Variants in ZCCHC7 observed in about 807,000 individuals in gnomAD.
ZCCHC7 encodes zinc finger CCHC-type containing 7, also known as zinc finger CCHC domain-containing protein 7.
ZCCHC7 carries 35 observed loss-of-function variants against 52.0 expected under a neutral mutation model. That is an observed-to-expected ratio of 0.67 (90% CI 0.51 to 0.89). The LOEUF (loss-of-function observed/expected upper bound fraction) is 0.89, where lower values mean the gene tolerates loss of function less well. ZCCHC7 is among the 40% of genes least tolerant of loss of function. ZCCHC7 has a pLI of 0.00. For missense variants in ZCCHC7, 574 were observed against 649.1 expected, an observed-to-expected ratio of 0.88 and a Z score of 1.26; for synonymous variants, 217 against 221.5, an observed-to-expected ratio of 0.98 and a Z score of 0.18.
At chr9:37,338,344 A>C in intron 6 of ZCCHC7, among the ~76,000 whole-genome samples, 1 of 152,178 alleles carries the variant, frequency 6.6e-6, no homozygotes, top group East Asian at 1.9e-4. Flanking sequence ...AGTTATACCA[A>C]TAATTTATAT....
intron 2 of ZCCHC7, among the ~76,000 whole-genome samples, chr9:37,174,996 G>T (rs1383345289): frequency 6.6e-6 from 1 of 152,006 alleles, no homozygotes; most frequent in East Asian, 1.9e-4. Context: ...AATTAGCCGG[G>T]CATGGTGGTA....
intron 2 of ZCCHC7, among the ~76,000 whole-genome samples, chr9:37,207,868 AT>A (rs1002858863): frequency 6.6e-6 from 1 of 151,568 alleles, no homozygotes; most frequent in East Asian, 1.9e-4. Context: ...CATTGCCAGC[AT>A]TTTTTTTCAA....
intron 2 of ZCCHC7, among the ~76,000 whole-genome samples, chr9:37,218,774 A>G (rs539090503): frequency 1.3e-5 from 2 of 152,048 alleles, no homozygotes; most frequent in African/African-American, 4.8e-5. Context: ...GCGCCACTGC[A>G]CTCCAGCCTG....
intron 2 of ZCCHC7, among the ~76,000 whole-genome samples, chr9:37,203,269 G>T (rs1048839206): frequency 2.5e-4 from 38 of 152,184 alleles, no homozygotes; most frequent in African/African-American, 8.7e-4. Flanking sequence ...ATCCAGGTAC[G>T]CAACAGTTTC....
intron 6 of ZCCHC7, among the ~76,000 whole-genome samples, chr9:37,334,883 C>T (rs561096452): frequency 5.3e-5 from 8 of 151,948 alleles, no homozygotes; most frequent in Non-Finnish European, 5.9e-5. Flanking sequence ...ACATAGATAC[C>T]GCACATTTCA....
At chr9:37,347,778 G>A (rs1446929247) in intron 6 of ZCCHC7, among the ~76,000 whole-genome samples, 2 of 152,140 alleles carry the variant, frequency 1.3e-5, no homozygotes, top group Non-Finnish European at 2.9e-5. Context: ...GAATATCTCA[G>A]AATTTTCACA....
intron 2 of ZCCHC7, among the ~76,000 whole-genome samples, chr9:37,223,077 A>G (rs901712480): frequency 6.6e-6 from 1 of 152,306 alleles, no homozygotes; most frequent in East Asian, 1.9e-4. Context: ...CAATTGGGCC[A>G]TAGTTACCAA....
chr9:37,348,609 A>G (rs916411939), intron 6 of ZCCHC7, among the ~76,000 whole-genome samples: 10 of 151,918 alleles, frequency 6.6e-5, no homozygotes, highest in African/African-American at 2.2e-4. Context: ...TGAACTCCTG[A>G]CCTCGTGATC....
chr9:37,154,956 T>C (rs781671531), intron 2 of ZCCHC7, among the ~76,000 whole-genome samples: 2 of 152,216 alleles, frequency 1.3e-5, no homozygotes, highest in Non-Finnish European at 2.9e-5. Context: ...GCAATATGTT[T>C]GGATTTTGGA....
chr9:37,128,418 T>C (rs1842630324), intron 2 of ZCCHC7, among the ~76,000 whole-genome samples: 1 of 152,176 alleles, frequency 6.6e-6, no homozygotes, highest in Non-Finnish European at 1.5e-5. Flanking sequence ...GTTTAAGTGC[T>C]GTGGGGAATA....
intron 2 of ZCCHC7, among the ~76,000 whole-genome samples, chr9:37,266,227 G>A (rs913396405): frequency 6.6e-6 from 1 of 152,102 alleles, no homozygotes; most frequent in African/African-American, 2.4e-5. Flanking sequence ...GTAAAGTTTA[G>A]TTACCATATT....
intron 2 of ZCCHC7, among the ~76,000 whole-genome samples, chr9:37,211,657 T>A (rs966689225): frequency 5.3e-4 from 81 of 152,250 alleles, no homozygotes; most frequent in African/African-American, 1.9e-3. Flanking sequence ...CACTGTAGAA[T>A]ATTAATATGG....
chr9:37,213,031 G>A (rs903395876), intron 2 of ZCCHC7, among the ~76,000 whole-genome samples: 4 of 152,188 alleles, frequency 2.6e-5, no homozygotes, highest in African/African-American at 9.6e-5. Context: ...TGAACTCTTC[G>A]CTTAGATATT....
At chr9:37,334,794 T>A (rs1449243799) in intron 6 of ZCCHC7, among the ~76,000 whole-genome samples, 6 of 152,060 alleles carry the variant, frequency 3.9e-5, no homozygotes, top group Non-Finnish European at 8.8e-5. Context: ...ATATATTACC[T>A]CTTTAGAAAG....
At chr9:37,126,282 A>G (rs1473464621) in intron 1 of ZCCHC7, 30 bp from the exon 2 acceptor site, 14 of 1,557,148 alleles carry the variant, frequency 9.0e-6, no homozygotes, top group South Asian at 5.0e-5. Context: ...CTTTTAAAGT[A>G]TATTCTGTGT....
intron 2 of ZCCHC7, among the ~76,000 whole-genome samples, chr9:37,174,584 G>C (rs919494759): frequency 2.6e-5 from 4 of 152,062 alleles, no homozygotes; most frequent in African/African-American, 9.7e-5. Context: ...TGTTCATAAT[G>C]GATAATTTGA....
chr9:37,225,985 A>G (rs1043535746), intron 2 of ZCCHC7, among the ~76,000 whole-genome samples: 3 of 152,244 alleles, frequency 2.0e-5, no homozygotes, highest in African/African-American at 7.2e-5. Context: ...AGGCAGACGA[A>G]ATGGAAAGAA....
intron 6 of ZCCHC7, among the ~76,000 whole-genome samples, chr9:37,337,397 A>ACCCCCCCCC (rs1264594478): frequency 1.2e-4 from 2 of 17,250 alleles, no homozygotes; most frequent in African/African-American, 2.6e-4. Flanking sequence ...CACCCTACCC[A>ACCCCCCCCC]CCCACCCCCC....
chr9:37,289,585 T>C (rs1034272416), intron 2 of ZCCHC7, among the ~76,000 whole-genome samples: 1 of 152,242 alleles, frequency 6.6e-6, no homozygotes, highest in South Asian at 2.1e-4. Flanking sequence ...ACTGAATTAT[T>C]GCAGTAACAT....
Sources: gnomAD v4.1 joint callset for allele counts (sites outside exome capture counted in the v4.1 genomes callset) on GRCh38, gnomAD v4.1.1 for gene constraint, MANE v1.5 for transcripts, NCBI Gene and HGNC (gene_info 2026-07-23, HGNC 2026-07-21) for gene names.